Variants in ECPAS observed in about 807,000 individuals in gnomAD.
ECPAS encodes Ecm29 proteasome adaptor and scaffold.
Under a neutral mutation model 255.1 loss-of-function variants are expected in ECPAS, and 70 were observed. That is an observed-to-expected ratio of 0.27 (90% CI 0.23 to 0.33). ECPAS has a LOEUF of 0.33. Ranked by LOEUF, ECPAS falls within the 10% of genes least tolerant of loss-of-function variation. ECPAS has a pLI of 1.00. For synonymous variants in ECPAS, 784 were observed against 775.0 expected (o/e 1.01, Z -0.19); for missense variants, 1,817 against 2,206.4 (o/e 0.82, Z 3.54).
At chr9:111,416,765 G>A (rs1263668493) in intron 17 of ECPAS, among the ~76,000 whole-genome samples, 5 of 152,266 alleles carry the variant, frequency 3.3e-5, no homozygotes, top group East Asian at 3.9e-4. Context: ...CTCCCTTAAG[G>A]TGCCTACCTA....
intron 9 of ECPAS, among the ~76,000 whole-genome samples, chr9:111,428,984 G>A (rs1360622227): frequency 1.3e-5 from 2 of 151,904 alleles, no homozygotes; most frequent in Non-Finnish European, 1.5e-5. Flanking sequence ...GTGTTCTAAC[G>A]GCATCAGAAA....
At chr9:111,443,029 G>A (rs1220677836) in intron 4 of ECPAS, among the ~76,000 whole-genome samples, 1 of 152,122 alleles carries the variant, frequency 6.6e-6, no homozygotes, top group Admixed American at 6.6e-5. Flanking sequence ...GACACACAAA[G>A]GAAATGCTCC....
intron 3 of ECPAS, among the ~76,000 whole-genome samples, chr9:111,445,168 G>A (rs772569374): frequency 6.7e-6 from 1 of 150,226 alleles, no homozygotes; most frequent in African/African-American, 2.5e-5. Flanking sequence ...GCTAATTTTT[G>A]TATTCTAGTA....
chr9:111,367,468 T>C (rs2098121798), intron 46 of ECPAS, among the ~76,000 whole-genome samples: 1 of 152,218 alleles, frequency 6.6e-6, no homozygotes, highest in Non-Finnish European at 1.5e-5. Context: ...AACTGCTTTA[T>C]GTTTGTATCA....
Position 111,375,158 on chromosome 9 carries a change from A to T in ECPAS, c.4065T>A (p.Pro1355=), listed in dbSNP as rs775382676. ...LDVSVLGELV[P]RLCELIRSGV... Reference sequence around the variant, plus strand: ...CACTTCTGATCAGTTCACACAACCTAGGAACTAGCTCGCCCAGCACTGACA... The same window carrying T: ...CACTTCTGATCAGTTCACACAACCTTGGAACTAGCTCGCCCAGCACTGACA... The change falls in exon 38 of 50, where the codon CCT becomes CCA. Residue 1355 remains proline, a synonymous_variant. Transcript: ENST00000684092. 2 of 1,613,790 alleles carry T rather than the reference A, an allele frequency of 1.2e-6. No individual in the cohort carries two copies. The highest frequency in any genetic ancestry group is 2.2e-5 in the South Asian group (2 of 91,080).
At chr9:111,447,933 A>G (rs1369055266) in intron 3 of ECPAS, among the ~76,000 whole-genome samples, 3 of 152,160 alleles carry the variant, frequency 2.0e-5, no homozygotes, top group Admixed American at 6.5e-5. Flanking sequence ...GATAACGAGA[A>G]AGTGAGAGAA....
At chr9:111,383,126 A>G in intron 35 of ECPAS, 85 bp downstream of exon 35, 2 of 1,520,026 alleles carry the variant, frequency 1.3e-6, no homozygotes, top group East Asian at 2.3e-5. Flanking sequence ...CTTTCTCCAT[A>G]TTTTCCAGAA....
At chr9:111,470,874 T>C (rs1240112922) in intron 2 of ECPAS, among the ~76,000 whole-genome samples, 2 of 151,750 alleles carry the variant, frequency 1.3e-5, no homozygotes, top group African/African-American at 4.8e-5. Flanking sequence ...GAGTAAGTGC[T>C]AGACTCCCAA....
chr9:111,397,073 T>G lies in ECPAS; in HGVS notation c.2733A>C (p.Arg911=). The change falls in exon 25 of 50, where the codon CGA becomes CGC. Residue 911 remains arginine (R), a synonymous_variant. Coordinates refer to ENST00000684092, the MANE Select transcript of ECPAS (RefSeq NM_001364929.1). ...AAIGTSSVAA[R]DAWQMTEEEY... ...CCTCTTCAGTCATTTGCCAGGCATC[T>G]CGGGCAGCCACAGAACTAGTTCCTA... The G allele has an allele frequency of 1.9e-6, 3 of 1,613,988 alleles. No individual in the cohort carries two copies. The highest frequency in any genetic ancestry group is 2.5e-6 in the Non-Finnish European group (3 of 1,179,838).
chr9:111,484,383 C>G lies in ECPAS; in HGVS notation c.-350G>C, dbSNP rs1458733107. The G allele has an allele frequency of 2.0e-5, 32 of 1,611,738 alleles. No homozygotes were observed. The highest frequency in any genetic ancestry group is 2.7e-5 in the Non-Finnish European group (32 of 1,179,420). ...CTGTCCAAAGGAAGAGACGTGGACT[C>G]AGAAAAGTAGAGCCGGGCTCGGAGT... is the stretch of plus-strand genomic sequence containing the variant. On this transcript the variant is annotated 5_prime_UTR_variant, in exon 1 of 50. Transcript: ENST00000684092.
At chr9:111,479,547 G>A (rs147289375) in intron 1 of ECPAS, among the ~76,000 whole-genome samples, 1 of 152,060 alleles carries the variant, frequency 6.6e-6, no homozygotes, top group African/African-American at 2.4e-5. Flanking sequence ...GAGCCAAGAT[G>A]GCGCCATTCC....
At chr9:111,420,364 G>T (rs919511585) in intron 15 of ECPAS, among the ~76,000 whole-genome samples, 1 of 152,058 alleles carries the variant, frequency 6.6e-6, no homozygotes, top group Non-Finnish European at 1.5e-5. Flanking sequence ...AATTTTAGAG[G>T]ATCCTCCAGG....
At position 111,444,407 on chromosome 9, in the gene ECPAS, G is replaced by C; in HGVS notation, c.241C>G (p.Gln81Glu). The C allele has an allele frequency of 6.2e-7, 1 of 1,613,456 alleles. No homozygotes were observed. The highest frequency in any genetic ancestry group is 8.5e-7 in the Non-Finnish European group (1 of 1,179,482). The change falls in exon 4 of 50, where the codon CAG becomes GAG. Residue 81 changes from glutamine (Q) to glutamate (E), a missense_variant. By Grantham distance (29) the Gln-to-Glu change is conservative. Transcript: ENST00000684092. Reference sequence around the variant, plus strand: ...ACAAAGGAAACTGCAGCAGGGTCCTGGTACTGAACCAACAGTGTCTCTACT... The same window carrying C: ...ACAAAGGAAACTGCAGCAGGGTCCTCGTACTGAACCAACAGTGTCTCTACT... ...LPVETLLVQY[Q>E]DPAAVSFVTN...
intron 17 of ECPAS, among the ~76,000 whole-genome samples, chr9:111,416,840 G>C (rs1056491035): frequency 1.3e-5 from 2 of 152,182 alleles, no homozygotes; most frequent in African/African-American, 4.8e-5. Context: ...AAGTGGGACA[G>C]AGTCAAGGCC....
intron 17 of ECPAS, 89 bp downstream of exon 17, chr9:111,417,794 T>C (rs2098206497): frequency 2.5e-6 from 3 of 1,213,570 alleles, no homozygotes; most frequent in South Asian, 3.3e-5. Context: ...TGAGTCAACA[T>C]CTAGTGATTA....
intron 31 of ECPAS, 112 bp from the exon 32 acceptor site, chr9:111,386,568 T>C (rs1345028665): frequency 4.5e-6 from 3 of 662,686 alleles, no homozygotes; most frequent in Non-Finnish European, 7.9e-6. Flanking sequence ...CATGTTTCTA[T>C]ATTTTACGGC....
At chr9:111,398,060 A>G (rs1172527400) in intron 24 of ECPAS, among the ~76,000 whole-genome samples, 4 of 152,214 alleles carry the variant, frequency 2.6e-5, no homozygotes, top group Admixed American at 6.5e-5. Flanking sequence ...GAGGAAAAGG[A>G]GAAATAAGGG....
intron 9 of ECPAS, among the ~76,000 whole-genome samples, chr9:111,428,964 C>T (rs568095827): frequency 6.6e-6 from 1 of 152,288 alleles, no homozygotes; most frequent in Non-Finnish European, 1.5e-5. Context: ...AGCCTGTGCT[C>T]ATATCACCTG....
At chr9:111,476,909 C>T (rs2098296911) in intron 1 of ECPAS, among the ~76,000 whole-genome samples, 1 of 151,962 alleles carries the variant, frequency 6.6e-6, no homozygotes, top group African/African-American at 2.4e-5. Context: ...ACCTCAGGAA[C>T]TCTAAACCTC....
Sources: gnomAD v4.1 joint callset for allele counts (sites outside exome capture counted in the v4.1 genomes callset) on GRCh38, gnomAD v4.1.1 for gene constraint, MANE v1.5 for transcripts, NCBI Gene and HGNC (gene_info 2026-07-23, HGNC 2026-07-21) for gene names.